The following CCDC150 variants were observed in gnomAD, a reference collection of about 807,000 sequenced individuals.
The protein encoded by CCDC150 is coiled-coil domain containing 150.
CCDC150 carries 151 observed loss-of-function variants against 156.5 expected under a neutral mutation model. The observed-to-expected ratio is 0.97, with a 90% confidence interval of 0.85 to 1.10. The LOEUF (loss-of-function observed/expected upper bound fraction) is 1.10. Among genes scored for constraint, CCDC150 ranks in the 50% least tolerant of loss-of-function variants. The probability of loss-of-function intolerance (pLI) is 0.00; values close to 1 mark genes in which losing one functional copy is unlikely to be tolerated. For missense variants in CCDC150, 1,312 were observed against 1,268.1 expected (o/e 1.03, Z -0.53); for synonymous variants, 452 against 429.4 (o/e 1.05, Z -0.65).
chr2:196,646,825 AAG>A (rs1202636843), intron 2 of CCDC150, among the ~76,000 whole-genome samples: 2 of 83,838 alleles, frequency 2.4e-5, no homozygotes, highest in Non-Finnish European at 2.9e-5. Flanking sequence ...TTAAAATAAA[AAG>A]AGACATATTA....
At chr2:196,641,564 T>G (rs1056626178) in intron 1 of CCDC150, among the ~76,000 whole-genome samples, 41 of 152,216 alleles carry the variant, frequency 2.7e-4, no homozygotes, top group African/African-American at 9.4e-4. Context: ...TTTCCTCCTT[T>G]GCACTTATCA....
intron 13 of CCDC150, among the ~76,000 whole-genome samples, chr2:196,689,558 G>A (rs1695318632): frequency 6.6e-6 from 1 of 151,994 alleles, no homozygotes; most frequent in Admixed American, 6.6e-5. Context: ...TCTGTTATTG[G>A]TGTATAAGAA....
chr2:196,687,633 T>C (rs780684241), intron 13 of CCDC150, among the ~76,000 whole-genome samples: 89 of 152,242 alleles, frequency 5.8e-4, no homozygotes, highest in Non-Finnish European at 5.1e-4. Context: ...TTTGCTTTCG[T>C]TGCGATTGCT....
chr2:196,713,485 C>T (rs1697276710), intron 17 of CCDC150: 3 of 1,550,704 alleles, frequency 1.9e-6, no homozygotes, highest in Non-Finnish European at 2.6e-6. Context: ...TTATTCCAAA[C>T]TCTACACGCC....
chr2:196,658,711 C>G, intron 4 of CCDC150, 81 bp from the exon 5 acceptor site: 3 of 990,538 alleles, frequency 3.0e-6, no homozygotes, highest in Non-Finnish European at 3.0e-6. Context: ...AGAAAAAAAC[C>G]TGATTTGATC....
At chr2:196,721,185 A>G (rs1226847738) in intron 20 of CCDC150, among the ~76,000 whole-genome samples, 2 of 150,930 alleles carry the variant, frequency 1.3e-5, no homozygotes, top group African/African-American at 4.9e-5. Flanking sequence ...CCAGAAGGTC[A>G]TAGGATCAGG....
intron 17 of CCDC150, among the ~76,000 whole-genome samples, chr2:196,717,944 C>T: frequency 6.6e-6 from 1 of 151,796 alleles, no homozygotes; most frequent in East Asian, 1.9e-4. Flanking sequence ...ATTTTTGCAA[C>T]ATCCTGTGAG....
chr2:196,662,544 C>G (rs1559222819), intron 5 of CCDC150, among the ~76,000 whole-genome samples: 4 of 152,176 alleles, frequency 2.6e-5, no homozygotes. Context: ...TGCCACTAAT[C>G]TGACAGGAGG....
At position 196,656,827 on chromosome 2, in the gene CCDC150, A is replaced by G. The variant is rs368606812; in HGVS notation, c.371A>G (p.Glu124Gly). The change falls in exon 3 of 28, where the codon GAA becomes GGA. Residue 124 changes from glutamate (E) to glycine (G), a missense_variant. By Grantham distance (98) the Glu-to-Gly change is moderately conservative. Coordinates refer to ENST00000389175, the MANE Select transcript of CCDC150 (RefSeq NM_001080539.2). ...LKMNIFRLQT[E>G]KDLNPQKTAF... ...ATGAACATCTTTCGGCTGCAAACTG[A>G]AAAGGATTTGAATCCTCAGAAAACA... is the stretch of plus-strand genomic sequence containing the variant. 70 of 1,613,902 alleles carry G rather than the reference A, an allele frequency of 4.3e-5. No homozygotes were observed. The highest frequency in any genetic ancestry group is 5.9e-5 in the Non-Finnish European group (70 of 1,179,812).
intron 13 of CCDC150, among the ~76,000 whole-genome samples, chr2:196,680,056 C>G (rs1694730142): frequency 6.6e-6 from 1 of 152,012 alleles, no homozygotes; most frequent in Non-Finnish European, 1.5e-5. Context: ...TTTTATAGAT[C>G]TCTTCTTCCA....
chr2:196,699,629 C>T (rs1696069073), intron 14 of CCDC150, among the ~76,000 whole-genome samples: 1 of 151,886 alleles, frequency 6.6e-6, no homozygotes, highest in South Asian at 2.1e-4. Flanking sequence ...AAGCAATTCT[C>T]CTGCCTCAAC....
chr2:196,682,137 C>T lies in CCDC150; in HGVS notation c.1509+4776C>T, dbSNP rs74631099. On this transcript the variant is annotated intron_variant, in intron 13 of 27. Coordinates refer to ENST00000389175, the MANE Select transcript of CCDC150 (RefSeq NM_001080539.2). Reference sequence around the variant, plus strand: ...CCACTTTGAGTTTATTTTATATGTGCTATGAGGTAAGGGTTTGACTTCATT... The same window carrying T: ...CCACTTTGAGTTTATTTTATATGTGTTATGAGGTAAGGGTTTGACTTCATT... Among the ~76,000 whole-genome samples, 610 of 151,998 alleles carry T rather than the reference C, an allele frequency of 4.0e-3. 4 individuals carry two copies. Among genetic ancestry groups the T allele is most frequent in the Non-Finnish European group, 7.0e-3 (475 of 67,906 alleles).
chr2:196,682,646 T>C (rs1694908282), intron 13 of CCDC150, among the ~76,000 whole-genome samples: 2 of 152,114 alleles, frequency 1.3e-5, no homozygotes, highest in South Asian at 4.1e-4. Flanking sequence ...TAGGTTTCAA[T>C]TTCAAGTGAA....
At chr2:196,643,336 GAAGCT>G (rs1692348630) in intron 1 of CCDC150, among the ~76,000 whole-genome samples, 1 of 152,198 alleles carries the variant, frequency 6.6e-6, no homozygotes, top group South Asian at 2.1e-4. Context: ...GGAAGCCTGA[GAAGCT>G]TCAGTGTAGA....
intron 17 of CCDC150, among the ~76,000 whole-genome samples, chr2:196,717,358 A>AT (rs1426882886): frequency 6.6e-6 from 1 of 152,190 alleles, no homozygotes; most frequent in Non-Finnish European, 1.5e-5. Context: ...GGTGATGGAA[A>AT]TTTTGTGTCT....
intron 15 of CCDC150, among the ~76,000 whole-genome samples, chr2:196,711,879 A>T (rs1000860796): frequency 6.6e-6 from 1 of 152,046 alleles, no homozygotes; most frequent in Non-Finnish European, 1.5e-5. Flanking sequence ...TTCATGAGTC[A>T]TGTCCATTTG....
intron 13 of CCDC150, among the ~76,000 whole-genome samples, chr2:196,691,788 A>G (rs1695495777): frequency 6.6e-6 from 1 of 152,176 alleles, no homozygotes; most frequent in Non-Finnish European, 1.5e-5. Flanking sequence ...TAAAAATACA[A>G]AAATTAGCCA....
chr2:196,730,954 G>C lies in CCDC150; in HGVS notation c.3069+9G>C. ...GTGTGGAATCAGAACAGGTGAGCCA[G>C]ACCCACGGACATAAAGACTTAGACG... On this transcript the variant is annotated intron_variant, in intron 26 of 27. Coordinates refer to ENST00000389175, the MANE Select transcript of CCDC150 (RefSeq NM_001080539.2). The C allele has an allele frequency of 1.9e-6, 3 of 1,584,478 alleles. No individual in the cohort carries two copies. In the South Asian group the frequency reaches 3.5e-5, roughly 18 times the overall value.
chr2:196,677,728 C>A (rs1032436283), intron 13 of CCDC150, among the ~76,000 whole-genome samples: 1 of 152,190 alleles, frequency 6.6e-6, no homozygotes, highest in Non-Finnish European at 1.5e-5. Flanking sequence ...AGGTGGCTTG[C>A]GCCTGTAATC....
Sources: gnomAD v4.1 joint callset for allele counts (sites outside exome capture counted in the v4.1 genomes callset) on GRCh38, gnomAD v4.1.1 for gene constraint, MANE v1.5 for transcripts, NCBI Gene and HGNC (gene_info 2026-07-23, HGNC 2026-07-21) for gene names.